CD46: variants seen among roughly 807,000 people sequenced by gnomAD.
The protein encoded by CD46 is CD46 molecule, also known as membrane cofactor protein.
CD46 carries 30 observed loss-of-function variants against 53.3 expected under a neutral mutation model. The ratio of observed to expected loss-of-function variants is 0.56; its 90% CI spans 0.42 to 0.76. The LOEUF (loss-of-function observed/expected upper bound fraction) is 0.76. CD46 is among the 30% of genes least tolerant of loss of function. The pLI is 0.00. For missense variants in CD46, 409 were observed against 463.0 expected (o/e 0.88, Z 1.07); for synonymous variants, 142 against 152.0 (o/e 0.93, Z 0.48).
chr1:207,778,797 A>G (rs1160397737), intron 8 of CD46, among the ~76,000 whole-genome samples: 1 of 152,140 alleles, frequency 6.6e-6, no homozygotes, highest in Non-Finnish European at 1.5e-5. Context: ...TGAATTTTAA[A>G]ATAGTTTTTT....
Position 207,785,791 on chromosome 1 carries a change from TA to T in CD46, c.1082+116del, listed in dbSNP as rs373519619. The T allele has an allele frequency of 2.9e-4, 208 of 723,140 alleles. 1 individual carries two copies. Among genetic ancestry groups the T allele is most frequent in the South Asian group, 1.7e-4 (11 of 64,132 alleles). The allele number at this position is 723,140 out of a possible 1,614,324, so 44.8% of individuals were successfully genotyped here. On this transcript the variant is annotated intron_variant, in intron 11 of 12. Coordinates refer to ENST00000367042, the MANE Select transcript of CD46 (RefSeq NM_172351.3). ...TTGCATGCTATCTTTTTTTTTTTTT[TA>T]AAAAAATGCCTGCATTAGTTTGTCC...
chr1:207,781,951 A>G (rs187693068), intron 8 of CD46, among the ~76,000 whole-genome samples: 1 of 152,006 alleles, frequency 6.6e-6, no homozygotes, highest in South Asian at 2.1e-4. Flanking sequence ...GAAAAAAAAA[A>G]CCAAAAAATA....
At chr1:207,780,667 C>G (rs1658647154) in intron 8 of CD46, among the ~76,000 whole-genome samples, 1 of 152,082 alleles carries the variant, frequency 6.6e-6, no homozygotes, top group Non-Finnish European at 1.5e-5. Flanking sequence ...TACATTCCCA[C>G]CAGCAGTGGG....
At chr1:207,788,101 A>T (rs193073188) in intron 11 of CD46, among the ~76,000 whole-genome samples, 2 of 152,080 alleles carry the variant, frequency 1.3e-5, no homozygotes, top group African/African-American at 2.4e-5. Flanking sequence ...TTATTGGCAA[A>T]TTTTTCTAAT....
At chr1:207,765,364 C>A (rs2488253) in intron 5 of CD46, among the ~76,000 whole-genome samples, 93,476 of 151,982 alleles carry the variant, frequency 0.62, 29,113 homozygotes, top group East Asian at 0.91. Context: ...CATTACACTT[C>A]ATGGTTCAAA....
chr1:207,781,583 C>G (rs1658740075), intron 8 of CD46, among the ~76,000 whole-genome samples: 1 of 152,074 alleles, frequency 6.6e-6, no homozygotes, highest in East Asian at 1.9e-4. Flanking sequence ...GGTCTCTGAT[C>G]TATTTTGAGT....
rs1659992715 is a variant in CD46, at chr1:207,793,509, T to G, written c.*42-10T>G. Reference sequence around the variant, plus strand: ...TATCTTTGACATGATCTTTATACCTTGGTTTGCAGGAAAGCAGATGGTGGA... The same window carrying G: ...TATCTTTGACATGATCTTTATACCTGGGTTTGCAGGAAAGCAGATGGTGGA... On this transcript the variant is annotated splice_polypyrimidine_tract_variant and intron_variant, in intron 12 of 12. Coordinates refer to ENST00000367042, the MANE Select transcript of CD46 (RefSeq NM_172351.3). 1.9e-6 allele frequency: 3 copies of G among 1,604,654 alleles called. No individual in the cohort carries two copies. In the South Asian group the frequency reaches 3.3e-5, roughly 18 times the overall value.
chr1:207,763,849 T>TTG (rs1571604862), intron 5 of CD46, among the ~76,000 whole-genome samples: 1 of 13,510 alleles, frequency 7.4e-5, no homozygotes, highest in East Asian at 0.016. Context: ...GATTTTTTGG[T>TTG]TTTTTTTTTT....
At chr1:207,770,135 T>G (rs756733831) in intron 7 of CD46, 186 bp from the exon 8 acceptor site, 1 of 593,192 alleles carries the variant, frequency 1.7e-6, no homozygotes, top group Non-Finnish European at 3.1e-6. Flanking sequence ...TGAGCATTCT[T>G]GTACATACAT....
chr1:207,769,528 C>CT (rs1169758889), intron 7 of CD46: 1 of 152,082 alleles, frequency 6.6e-6, no homozygotes, highest in African/African-American at 2.4e-5. Flanking sequence ...TTATAAAACA[C>CT]TGGTATAGCT....
At chr1:207,789,944 A>G (rs945814846) in intron 11 of CD46, among the ~76,000 whole-genome samples, 13 of 150,374 alleles carry the variant, frequency 8.6e-5, no homozygotes, top group Non-Finnish European at 1.5e-4. Context: ...ACAATCTGTT[A>G]TTCCTTGAAA....
intron 9 of CD46, chr1:207,783,566 T>C (rs1658990337): frequency 2.6e-6 from 1 of 389,126 alleles, no homozygotes; most frequent in Non-Finnish European, 4.7e-6. Flanking sequence ...CTTATATACA[T>C]GAACCTTAAA....
intron 3 of CD46, among the ~76,000 whole-genome samples, chr1:207,758,404 G>C (rs1655808332): frequency 6.6e-6 from 1 of 152,110 alleles, no homozygotes; most frequent in South Asian, 2.1e-4. Context: ...AAAGTGAAAG[G>C]GAAATTTAGC....
intron 2 of CD46, 136 bp from the exon 3 acceptor site, chr1:207,757,404 C>A: frequency 1.3e-6 from 1 of 777,452 alleles, no homozygotes; most frequent in Non-Finnish European, 2.2e-6. Flanking sequence ...GAATATGAAT[C>A]TTAAGTTTGC....
At position 207,793,605 on chromosome 1, in the gene CD46, C is replaced by T. The variant is rs1336924704; in HGVS notation, c.*128C>T. On this transcript the variant is annotated 3_prime_UTR_variant, in exon 13 of 13. Coordinates refer to ENST00000367042, the MANE Select transcript of CD46 (RefSeq NM_172351.3). Reference sequence around the variant, plus strand: ...CAGAGAGGCTGAATAGATTCCACAACCTGGTTTGCCAGTTCATCTTTTGAC... The same window carrying T: ...CAGAGAGGCTGAATAGATTCCACAATCTGGTTTGCCAGTTCATCTTTTGAC... The T allele has an allele frequency of 3.7e-6, 6 of 1,609,630 alleles. No homozygotes were observed. The highest frequency in any genetic ancestry group is 2.6e-6 in the Non-Finnish European group (3 of 1,175,950).
intron 8 of CD46, 112 bp downstream of exon 8, chr1:207,770,474 T>A (rs1657381265): frequency 2.7e-6 from 2 of 750,642 alleles, no homozygotes; most frequent in Non-Finnish European, 2.3e-6. Context: ...TACATAGGTA[T>A]ACGTGTGCCA....
chr1:207,773,470 C>A (rs1300587726), intron 8 of CD46, among the ~76,000 whole-genome samples: 1 of 152,132 alleles, frequency 6.6e-6, no homozygotes, highest in Admixed American at 6.5e-5. Context: ...TTCTCTAGTT[C>A]TTTTAATGGT....
At chr1:207,759,148 C>A (rs1408247008) in intron 3 of CD46, among the ~76,000 whole-genome samples, 4 of 152,176 alleles carry the variant, frequency 2.6e-5, no homozygotes, top group Non-Finnish European at 4.4e-5. Context: ...CTTATCTAAT[C>A]CCCTAAACAA....
At chr1:207,780,141 A>T (rs1658591781) in intron 8 of CD46, among the ~76,000 whole-genome samples, 1 of 151,702 alleles carries the variant, frequency 6.6e-6, no homozygotes, top group Non-Finnish European at 1.5e-5. Flanking sequence ...TCCCACACTG[A>T]ATCTCTACTC....
Sources: allele counts gnomAD v4.1 joint callset (sites outside exome capture counted in the v4.1 genomes callset), GRCh38; gene constraint gnomAD v4.1.1; transcripts MANE v1.5; gene names NCBI Gene and HGNC (gene_info 2026-07-23, HGNC 2026-07-21).